Variants in ASAP2 observed in about 807,000 individuals in gnomAD.
The protein encoded by ASAP2 is arf-GAP with SH3 domain, ANK repeat and PH domain-containing protein 2.
A neutral mutation model predicts 131.4 loss-of-function variants in ASAP2; 45 were observed. The ratio of observed to expected loss-of-function variants is 0.34; its 90% CI spans 0.27 to 0.44. ASAP2 has a LOEUF of 0.44. Among genes scored for constraint, ASAP2 ranks in the 20% least tolerant of loss-of-function variants. The pLI, the probability that ASAP2 is intolerant of heterozygous loss-of-function variation, is 1.00. For missense variants in ASAP2, 1,011 were observed against 1,297.0 expected (o/e 0.78, Z 3.39); for synonymous variants, 510 against 503.0 (o/e 1.01, Z -0.19).
Position 9,404,070 on chromosome 2 carries a change from G to A in ASAP2, c.*743G>A, listed in dbSNP as rs1676978925. 1 of 152,192 alleles carries A rather than the reference G, an allele frequency of 6.6e-6. No homozygotes were observed. Among genetic ancestry groups the A allele is most frequent in the Non-Finnish European group, 1.5e-5 (1 of 68,034 alleles). The allele number at this position is 152,192 out of a possible 1,614,324, so 9.4% of individuals were successfully genotyped here. A position where few individuals can be genotyped will look rare whatever the true frequency, so the allele number is the denominator to read the frequency against. On this transcript the variant is annotated 3_prime_UTR_variant, in exon 28 of 28. Transcript: ENST00000281419. ...ACTAAGGATGATGGATTGCAAAACA[G>A]TTCTTTTAAATTAGTTTATATGCTT...
intron 16 of ASAP2, among the ~76,000 whole-genome samples, chr2:9,370,111 T>C (rs1673827715): frequency 6.6e-6 from 1 of 152,236 alleles, no homozygotes; most frequent in Non-Finnish European, 1.5e-5. Context: ...GTGCTGGGAT[T>C]ACAGACATGA....
chr2:9,318,076 C>G (rs1669918250), intron 3 of ASAP2, among the ~76,000 whole-genome samples: 1 of 152,194 alleles, frequency 6.6e-6, no homozygotes, highest in African/African-American at 2.4e-5. Flanking sequence ...GCCTTTGTTT[C>G]CCCTGCTTGG....
At chr2:9,351,449 A>G (rs1672324317) in intron 12 of ASAP2, among the ~76,000 whole-genome samples, 2 of 152,218 alleles carry the variant, frequency 1.3e-5, no homozygotes, top group African/African-American at 4.8e-5. Flanking sequence ...ATGTTTACTC[A>G]GCACCCCCTA....
intron 3 of ASAP2, among the ~76,000 whole-genome samples, chr2:9,317,531 A>C (rs62639385): frequency 0.3 from 42,207 of 142,506 alleles, 6,228 homozygotes; most frequent in Non-Finnish European, 0.35. Context: ...CCCACACTCA[A>C]ATCCACACAA....
At chr2:9,210,640 C>T (rs1259608755) in intron 1 of ASAP2, among the ~76,000 whole-genome samples, 4 of 151,940 alleles carry the variant, frequency 2.6e-5, no homozygotes, top group Admixed American at 6.6e-5. Flanking sequence ...CTGCAAGCCC[C>T]GCCTCCCAGG....
rs1338988170 is a variant in ASAP2, at chr2:9,217,907, C to A, written c.126+10677C>A. Among the ~76,000 whole-genome samples, 1 of 117,442 alleles carries A rather than the reference C, an allele frequency of 8.5e-6. No individual in the cohort carries two copies. The highest frequency in any genetic ancestry group is 2.0e-4 in the East Asian group (1 of 5,054). 77.0% of individuals were successfully genotyped at this position (117,442 alleles called of 152,430 possible). A position where few individuals can be genotyped will look rare whatever the true frequency, so the allele number is the denominator to read the frequency against. ...GGGATTACAGGTGTGAGCCACCACG[C>A]CTGGCTTTTTTTTTTTTTTACATGA... On this transcript the variant is annotated intron_variant, in intron 1 of 27. Transcript: ENST00000281419. This position sits in a 1 kb window ranked among gnomAD's most constrained non-coding sequence, Gnocchi z 4.0.
chr2:9,323,856 G>A (rs1184926260), intron 6 of ASAP2, among the ~76,000 whole-genome samples: 3 of 152,204 alleles, frequency 2.0e-5, no homozygotes, highest in Non-Finnish European at 4.4e-5. Context: ...CACTCTCAGA[G>A]CATTTCTCTG....
intron 20 of ASAP2, 29 bp downstream of exon 20, chr2:9,380,837 G>A (rs1252310812): frequency 2.5e-6 from 4 of 1,610,336 alleles, no homozygotes; most frequent in Admixed American, 1.7e-5. Flanking sequence ...GGACGGGGTG[G>A]GGCACCTGTC....
At position 9,335,159 on chromosome 2, in the gene ASAP2, T is replaced by C; in HGVS notation, c.829T>C (p.Leu277=). Residue 277 remains leucine (L), a synonymous_variant, in exon 9 of 28, where the codon TTG becomes CTG. Coordinates refer to ENST00000281419, the MANE Select transcript of ASAP2 (RefSeq NM_003887.3). ...GCTTCGAGATATTTTGAAATCCGCA[T>C]TGCAGGTTGAACAGAAAGAGGTGAG... ...IQLRDILKSA[L]QVEQKEDSQI... The C allele has an allele frequency of 6.2e-7, 1 of 1,614,144 alleles. No individual in the cohort carries two copies. The highest frequency in any genetic ancestry group is 8.5e-7 in the Non-Finnish European group (1 of 1,180,004).
At chr2:9,289,737 T>C (rs1667687760) in intron 2 of ASAP2, among the ~76,000 whole-genome samples, 1 of 152,148 alleles carries the variant, frequency 6.6e-6, no homozygotes, top group Admixed American at 6.5e-5. Context: ...TCAAAGAGGA[T>C]GGGATGATCA....
intron 27 of ASAP2, among the ~76,000 whole-genome samples, chr2:9,402,129 G>T (rs894600899): frequency 6.6e-6 from 1 of 152,228 alleles, no homozygotes; most frequent in South Asian, 2.1e-4. Context: ...GAACTCACAG[G>T]ATTTAGGGGA....
intron 1 of ASAP2, among the ~76,000 whole-genome samples, chr2:9,267,697 G>A (rs1293857250): frequency 6.6e-6 from 1 of 151,896 alleles, no homozygotes; most frequent in African/African-American, 2.4e-5. Flanking sequence ...GGGAGTTCGA[G>A]ACCAACCTGC....
At chr2:9,385,427 T>C in intron 21 of ASAP2, 69 bp downstream of exon 21, 3 of 1,210,140 alleles carry the variant, frequency 2.5e-6, no homozygotes, top group Non-Finnish European at 3.7e-6. Context: ...GGTCCTAATC[T>C]GTAATTAAGG....
intron 26 of ASAP2, 99 bp from the exon 27 acceptor site, chr2:9,401,175 C>A: frequency 1.4e-6 from 2 of 1,478,152 alleles, no homozygotes; most frequent in Non-Finnish European, 1.9e-6. Flanking sequence ...GGCCTAGGTA[C>A]GGGACTCCTG....
chr2:9,315,080 C>T (rs905780526), intron 3 of ASAP2, among the ~76,000 whole-genome samples: 1 of 152,032 alleles, frequency 6.6e-6, no homozygotes, highest in African/African-American at 2.4e-5. Flanking sequence ...AAGACGTTTC[C>T]GTCGAATAGA....
chr2:9,360,557 G>A (rs1012894419), intron 15 of ASAP2, among the ~76,000 whole-genome samples: 2 of 152,098 alleles, frequency 1.3e-5, no homozygotes, highest in Non-Finnish European at 2.9e-5. Flanking sequence ...GTCAACTCTG[G>A]AGAAAAAAGA....
intron 2 of ASAP2, 45 bp from the exon 3 acceptor site, chr2:9,297,255 G>A: frequency 6.2e-7 from 1 of 1,602,318 alleles, no homozygotes; most frequent in Non-Finnish European, 8.5e-7. Context: ...GGGGAGTGAG[G>A]GTGGCATGCC....
At chr2:9,271,005 G>A (rs1202020680) in intron 1 of ASAP2, among the ~76,000 whole-genome samples, 1 of 151,538 alleles carries the variant, frequency 6.6e-6, no homozygotes, top group African/African-American at 2.4e-5. Flanking sequence ...GTGTTAGCCA[G>A]GATAGTCTCG....
rs147575214 is a variant in ASAP2, at chr2:9,231,896, A to T, written c.126+24666A>T. ...CTCCCACCCACTTGACCCAGCGGAC[A>T]CTTTGGGAAGTGGCAACCATAAGTC... On this transcript the variant is annotated intron_variant, in intron 1 of 27. Coordinates refer to ENST00000281419, the MANE Select transcript of ASAP2 (RefSeq NM_003887.3). Among the ~76,000 whole-genome samples the T allele has an allele frequency of 8.5e-4, 130 of 152,082 alleles. 1 individual carries two copies. In the East Asian group the frequency reaches 0.021, roughly 25 times the overall value.
Sources: allele counts gnomAD v4.1 joint callset (sites outside exome capture counted in the v4.1 genomes callset), GRCh38; gene constraint gnomAD v4.1.1; non-coding constraint Gnocchi (gnomAD v3.1); transcripts MANE v1.5; gene names NCBI Gene and HGNC (gene_info 2026-07-23, HGNC 2026-07-21).